DAB1: variants seen among roughly 807,000 people sequenced by gnomAD.
DAB1 encodes DAB adaptor protein 1.
In DAB1, 15 loss-of-function variants were observed where a neutral mutation model predicts 64.6. That is an observed-to-expected ratio of 0.23 (90% CI 0.16 to 0.36). The LOEUF (loss-of-function observed/expected upper bound fraction) is 0.36, where lower values mean the gene tolerates loss of function less well. Among genes scored for constraint, DAB1 ranks in the 10% least tolerant of loss-of-function variants. The probability of loss-of-function intolerance (pLI) is 1.00; values close to 1 mark genes in which losing one functional copy is unlikely to be tolerated. For missense variants in DAB1, 596 were observed against 706.7 expected, an observed-to-expected ratio of 0.84 and a Z score of 1.78; for synonymous variants, 235 against 251.9, an observed-to-expected ratio of 0.93 and a Z score of 0.64.
chr1:57,926,585 T>A (rs1190775752), intron 5 of DAB1, among the ~76,000 whole-genome samples: 1 of 152,204 alleles, frequency 6.6e-6, no homozygotes, highest in Non-Finnish European at 1.5e-5. Flanking sequence ...TTAGCATTTA[T>A]CAAATGGAAA....
At chr1:57,970,738 A>G (rs1001179873) in intron 5 of DAB1, among the ~76,000 whole-genome samples, 1 of 152,170 alleles carries the variant, frequency 6.6e-6, no homozygotes, top group Non-Finnish European at 1.5e-5. Context: ...CTTAATCCAT[A>G]GGAACTTTGA....
intron 7 of DAB1, among the ~76,000 whole-genome samples, chr1:57,597,747 C>T (rs1172824153): frequency 6.6e-6 from 1 of 152,182 alleles, no homozygotes; most frequent in Non-Finnish European, 1.5e-5. Context: ...AAAAAAGAGA[C>T]TTAGCAAAGC....
At chr1:57,620,110 G>A (rs1236308720) in intron 7 of DAB1, among the ~76,000 whole-genome samples, 1 of 152,126 alleles carries the variant, frequency 6.6e-6, no homozygotes, top group African/African-American at 2.4e-5. Flanking sequence ...AGGCTTGCGG[G>A]CTTGTTTTCA....
rs560665609 is a variant in DAB1 at position 57,627,084 on chromosome 1, C to T, written n.625+22508G>A. 1.0e-3 allele frequency among the ~76,000 whole-genome samples: 156 copies of T among 152,114 alleles called. 1 individual carries two copies. Among genetic ancestry groups the T allele is most frequent in the African/African-American group, 3.5e-3 (147 of 41,504 alleles). ...CTCCCCAGTGTGAGGGAGAGTCATC[C>T]GATCTGTTGAGGGCCTGAATAGAAC... On this transcript the variant is annotated intron_variant and non_coding_transcript_variant, in intron 7 of 20. Transcript: ENST00000485760.
At chr1:57,939,021 C>T (rs12740209) in intron 5 of DAB1, among the ~76,000 whole-genome samples, 61,318 of 152,034 alleles carry the variant, frequency 0.4, 13,522 homozygotes, top group Admixed American at 0.51. Flanking sequence ...TGGACTACTA[C>T]AGCAGAACAC....
chr1:57,871,555 A>C (rs1643949659), intron 1 of DAB1, among the ~76,000 whole-genome samples: 1 of 152,184 alleles, frequency 6.6e-6, no homozygotes, highest in East Asian at 1.9e-4. Flanking sequence ...GTCTTGCTCA[A>C]GGTCACATAG....
intron 6 of DAB1, among the ~76,000 whole-genome samples, chr1:57,773,439 T>A (rs1649654728): frequency 6.6e-6 from 1 of 152,048 alleles, no homozygotes; most frequent in African/African-American, 2.4e-5. Flanking sequence ...GTGAATGTTT[T>A]TTCCAAGTCT....
chr1:58,288,674 G>T (rs1661747916), intron 4 of DAB1, among the ~76,000 whole-genome samples: 1 of 152,062 alleles, frequency 6.6e-6, no homozygotes. Flanking sequence ...AATAAATACT[G>T]CTATTATTTT....
chr1:57,464,203 T>C (rs566848530), intron 7 of DAB1, among the ~76,000 whole-genome samples: 5 of 152,126 alleles, frequency 3.3e-5, no homozygotes, highest in Admixed American at 6.5e-5. Flanking sequence ...GATGAGAAAA[T>C]CAAGGCTTAA....
intron 9 of DAB1, among the ~76,000 whole-genome samples, chr1:57,038,244 C>T (rs999706786): frequency 3.3e-5 from 5 of 152,168 alleles, no homozygotes; most frequent in Admixed American, 3.3e-4. Flanking sequence ...TATGTCTAGA[C>T]AGTACCATGA....
At chr1:57,258,141 T>C (rs960878906) in intron 2 of DAB1, among the ~76,000 whole-genome samples, 1 of 152,212 alleles carries the variant, frequency 6.6e-6, no homozygotes, top group African/African-American at 2.4e-5. Context: ...CTCAGCAAAG[T>C]GAATTTTCTA....
chr1:57,450,027 C>T (rs773459926), intron 7 of DAB1, among the ~76,000 whole-genome samples: 7 of 152,170 alleles, frequency 4.6e-5, no homozygotes, highest in Non-Finnish European at 8.8e-5. Context: ...ATATTAGGCT[C>T]ATAGATGTAC....
intron 3 of DAB1, among the ~76,000 whole-genome samples, chr1:58,500,927 CT>C (rs1287090064): frequency 6.6e-6 from 1 of 152,166 alleles, no homozygotes; most frequent in Admixed American, 6.5e-5. Flanking sequence ...TAAGGTGTCT[CT>C]TTCAACGACA....
At chr1:57,346,599 A>G (rs1289289725) in intron 1 of DAB1, among the ~76,000 whole-genome samples, 1 of 152,214 alleles carries the variant, frequency 6.6e-6, no homozygotes, top group Non-Finnish European at 1.5e-5. Flanking sequence ...TCATCTCAGT[A>G]TACCAAAAAT....
At chr1:58,253,929 C>G (rs868052505) in intron 4 of DAB1, among the ~76,000 whole-genome samples, 1 of 152,232 alleles carries the variant, frequency 6.6e-6, no homozygotes, top group Middle Eastern at 3.4e-3. Context: ...TCGCAGATAC[C>G]CTGAGAATCA....
At chr1:58,133,349 C>T (rs868736044) in intron 5 of DAB1, among the ~76,000 whole-genome samples, 3 of 152,214 alleles carry the variant, frequency 2.0e-5, no homozygotes, top group Non-Finnish European at 2.9e-5. Flanking sequence ...ACTCAGGAAT[C>T]GTACTCTCTG....
intron 6 of DAB1, among the ~76,000 whole-genome samples, chr1:57,767,263 C>A (rs758185780): frequency 3.3e-5 from 5 of 152,046 alleles, no homozygotes; most frequent in Admixed American, 6.6e-5. Flanking sequence ...AGAGTCAACT[C>A]ATTAGCATAA....
chr1:58,443,671 C>A (rs950702645), intron 3 of DAB1, among the ~76,000 whole-genome samples: 1 of 152,158 alleles, frequency 6.6e-6, no homozygotes, highest in Admixed American at 6.5e-5. Context: ...TTTTTGCAAT[C>A]TTTCTGCAAA....
chr1:57,690,526 T>G (rs948523884), intron 6 of DAB1, among the ~76,000 whole-genome samples: 5 of 152,190 alleles, frequency 3.3e-5, no homozygotes, highest in Admixed American at 1.3e-4. Flanking sequence ...GAAAGTTTCC[T>G]CAGGTCTCCC....
Sources: allele counts gnomAD v4.1 joint callset (sites outside exome capture counted in the v4.1 genomes callset), GRCh38; gene constraint gnomAD v4.1.1; transcripts MANE v1.5; gene names NCBI Gene and HGNC (gene_info 2026-07-23, HGNC 2026-07-21).